Variants in RBFOX1 observed in about 807,000 individuals in gnomAD.
The protein encoded by RBFOX1 is RNA binding fox-1 homolog 1, also known as RNA binding protein fox-1 homolog 1.
Under a neutral mutation model 57.7 loss-of-function variants are expected in RBFOX1, and 8 were observed. The ratio of observed to expected loss-of-function variants is 0.14; its 90% CI spans 0.08 to 0.25. RBFOX1 has a LOEUF of 0.25. RBFOX1 is among the 10% of genes least tolerant of loss of function. The pLI, the probability that RBFOX1 is intolerant of heterozygous loss-of-function variation, is 1.00. For synonymous variants in RBFOX1, 326 were observed against 222.4 expected (o/e 1.47, Z -4.15); for missense variants, 611 against 548.5 (o/e 1.11, Z -1.14).
At chr16:5,873,622 A>G (rs997521554) in intron 4 of RBFOX1, among the ~76,000 whole-genome samples, 1 of 152,256 alleles carries the variant, frequency 6.6e-6, no homozygotes, top group African/African-American at 2.4e-5. Flanking sequence ...ACGTGTACAA[A>G]GTTGACACAC....
intron 1 of RBFOX1, among the ~76,000 whole-genome samples, chr16:6,238,580 C>T (rs1047687761): frequency 2.0e-5 from 3 of 152,130 alleles, no homozygotes; most frequent in Non-Finnish European, 2.9e-5. Context: ...TAGTGATTCT[C>T]AACCCTGGCT....
chr16:6,125,779 C>T (rs2096585159), intron 1 of RBFOX1, among the ~76,000 whole-genome samples: 1 of 152,102 alleles, frequency 6.6e-6, no homozygotes, highest in Non-Finnish European at 1.5e-5. Flanking sequence ...GTGGGATGTT[C>T]TCACAGATCA....
intron 3 of RBFOX1, among the ~76,000 whole-genome samples, chr16:6,975,708 A>T (rs563363526): frequency 9.8e-5 from 15 of 152,338 alleles, no homozygotes; most frequent in Non-Finnish European, 1.9e-4. Flanking sequence ...TCAATTTATG[A>T]TTAGCACTGC....
Position 5,999,244 on chromosome 16 carries a change from A to G in RBFOX1, c.351+131909A>G, listed in dbSNP as rs116207402. Among the ~76,000 whole-genome samples the G allele has an allele frequency of 4.8e-3, 731 of 152,170 alleles. 7 individuals are homozygous for G. Among genetic ancestry groups the G allele is most frequent in the African/African-American group, 0.017 (690 of 41,504 alleles). On this transcript the variant is annotated intron_variant, in intron 4 of 19. Coordinates refer to the RBFOX1 transcript ENST00000641259. ...TCCCTTCTCCCACCTTATCTCTACC[A>G]CAGGGCCTTTGAACATACTTTTCTG...
At chr16:6,993,740 G>C (rs1457083236) in intron 3 of RBFOX1, among the ~76,000 whole-genome samples, 2 of 152,130 alleles carry the variant, frequency 1.3e-5, no homozygotes, top group African/African-American at 2.4e-5. Context: ...CAGCAGCCCA[G>C]CTCCATGGGC....
chr16:5,952,613 A>G (rs2059544018), intron 4 of RBFOX1, among the ~76,000 whole-genome samples: 1 of 152,094 alleles, frequency 6.6e-6, no homozygotes, highest in Non-Finnish European at 1.5e-5. Flanking sequence ...TTCTTATGTT[A>G]TTTACCATTA....
chr16:7,288,507 A>G (rs1159511530), intron 4 of RBFOX1, among the ~76,000 whole-genome samples: 4 of 152,214 alleles, frequency 2.6e-5, no homozygotes, highest in Admixed American at 6.5e-5. Context: ...AACCCTTGGC[A>G]TAGTGTCTAC....
At chr16:6,343,864 C>G (rs2084931873) in intron 2 of RBFOX1, among the ~76,000 whole-genome samples, 1 of 152,144 alleles carries the variant, frequency 6.6e-6, no homozygotes, top group Non-Finnish European at 1.5e-5. Flanking sequence ...TGTCTTCATC[C>G]TTAAGAATCA....
chr16:7,162,563 C>G (rs975991126), intron 4 of RBFOX1, among the ~76,000 whole-genome samples: 31 of 126,204 alleles, frequency 2.5e-4, no homozygotes, highest in African/African-American at 9.9e-4. Context: ...AACCCTGTCT[C>G]TACTAAAAAA....
At chr16:6,670,854 G>C (rs1206805869) in intron 3 of RBFOX1, among the ~76,000 whole-genome samples, 2 of 146,330 alleles carry the variant, frequency 1.4e-5, no homozygotes, top group African/African-American at 5.1e-5. Flanking sequence ...AAAAAAATTA[G>C]CCGGGCATGG....
At chr16:6,273,184 T>C (rs12921596) in intron 1 of RBFOX1, among the ~76,000 whole-genome samples, 146,466 of 151,560 alleles carry the variant, frequency 0.97, 70,993 homozygotes, top group East Asian at 1. Context: ...GGCTTGAACC[T>C]GGAGGCAGAG....
intron 4 of RBFOX1, among the ~76,000 whole-genome samples, chr16:7,243,976 A>C (rs192626244): frequency 2.7e-3 from 216 of 81,202 alleles, no homozygotes; most frequent in Middle Eastern, 6.8e-3. Context: ...GATAACTAAC[A>C]TACATTTCTT....
At chr16:5,613,014 A>G (rs1183406269) in intron 3 of RBFOX1, among the ~76,000 whole-genome samples, 1 of 152,210 alleles carries the variant, frequency 6.6e-6, no homozygotes, top group East Asian at 1.9e-4. Flanking sequence ...ACAGATGACA[A>G]GACTGAAGCT....
intron 4 of RBFOX1, among the ~76,000 whole-genome samples, chr16:5,869,723 C>G (rs558009141): frequency 4.2e-4 from 64 of 152,230 alleles, no homozygotes; most frequent in African/African-American, 1.5e-3. Context: ...TATTTCTTAT[C>G]CTCATTTTAC....
chr16:7,049,516 C>T (rs1358901626), intron 3 of RBFOX1, among the ~76,000 whole-genome samples: 2 of 152,094 alleles, frequency 1.3e-5, no homozygotes, highest in African/African-American at 2.4e-5. Context: ...TGTTAAGACT[C>T]ATCTGTCTTG....
At chr16:6,436,412 C>T (rs2094234630) in intron 2 of RBFOX1, among the ~76,000 whole-genome samples, 1 of 151,690 alleles carries the variant, frequency 6.6e-6, no homozygotes, top group African/African-American at 2.4e-5. Context: ...GCTCAGAAAA[C>T]AGGTATTTAA....
At chr16:7,206,605 C>T (rs775177925) in intron 4 of RBFOX1, among the ~76,000 whole-genome samples, 3 of 152,070 alleles carry the variant, frequency 2.0e-5, no homozygotes, top group Non-Finnish European at 2.9e-5. Context: ...CCAGTCATAT[C>T]GTACTCAAGT....
At chr16:5,614,111 T>A (rs2047928938) in intron 3 of RBFOX1, among the ~76,000 whole-genome samples, 1 of 152,146 alleles carries the variant, frequency 6.6e-6, no homozygotes, top group African/African-American at 2.4e-5. Flanking sequence ...GCCCACCTGG[T>A]CTCAATTCTG....
intron 3 of RBFOX1, among the ~76,000 whole-genome samples, chr16:6,831,916 T>C (rs868329024): frequency 6.6e-6 from 1 of 152,170 alleles, no homozygotes; most frequent in Non-Finnish European, 1.5e-5. Flanking sequence ...GACGAAGAAC[T>C]TACAGTTCTC....
Sources: gnomAD v4.1 joint callset for allele counts (sites outside exome capture counted in the v4.1 genomes callset) on GRCh38, gnomAD v4.1.1 for gene constraint, MANE v1.5 for transcripts, NCBI Gene and HGNC (gene_info 2026-07-23, HGNC 2026-07-21) for gene names.